G3BP1: variants seen among roughly 807,000 people sequenced by gnomAD.
G3BP1 encodes the protein ras GTPase-activating protein-binding protein 1.
In G3BP1, 35 loss-of-function variants were observed where a neutral mutation model predicts 58.6. The observed-to-expected ratio is 0.60, with a 90% CI of 0.46 to 0.79. The LOEUF (loss-of-function observed/expected upper bound fraction) is 0.79, where lower values mean the gene tolerates loss of function less well. Ranked by LOEUF, G3BP1 falls within the 30% of genes least tolerant of loss-of-function variation. The probability of loss-of-function intolerance (pLI) is 0.00; values close to 1 mark genes in which losing one functional copy is unlikely to be tolerated. For synonymous variants in G3BP1, 191 were observed against 195.4 expected (o/e 0.98, Z 0.19); for missense variants, 523 against 580.8 (o/e 0.90, Z 1.02).
Position 151,801,825 on chromosome 5 carries a change from T to A in G3BP1, c.1194+956T>A, listed in dbSNP as rs186127414. Among the ~76,000 whole-genome samples the A allele has an allele frequency of 6.7e-3, 1,016 of 152,104 alleles. 8 individuals are homozygous for A. The highest frequency in any genetic ancestry group is 6.8e-3 in the Middle Eastern group (2 of 294). ...CAAAGTTTTTTATTTTTTTATTTTT[T>A]TTTTTTTGAGACAGTGTCTCTCTCT... On this transcript the variant is annotated intron_variant, in intron 11 of 11. Transcript: ENST00000356245.
intron 1 of G3BP1, among the ~76,000 whole-genome samples, chr5:151,775,703 A>C (rs1278411530): frequency 6.6e-6 from 1 of 152,272 alleles, no homozygotes; most frequent in Non-Finnish European, 1.5e-5. Context: ...GCGGATGAGC[A>C]TTAGTATTAA....
intron 1 of G3BP1, among the ~76,000 whole-genome samples, chr5:151,783,708 A>G (rs765954806): frequency 7.9e-5 from 12 of 151,968 alleles, no homozygotes; most frequent in Non-Finnish European, 7.4e-5. Flanking sequence ...GAGAATAACA[A>G]AATTACTCGC....
At chr5:151,779,665 T>G (rs147461650) in intron 1 of G3BP1, among the ~76,000 whole-genome samples, 188 of 152,352 alleles carry the variant, frequency 1.2e-3, no homozygotes, top group African/African-American at 4.4e-3. Flanking sequence ...TGTGCTCGCT[T>G]TCTGGCAGGC....
intron 6 of G3BP1, 25 bp downstream of exon 6, chr5:151,795,600 C>T (rs772056682): frequency 2.6e-5 from 30 of 1,173,916 alleles, no homozygotes; most frequent in Middle Eastern, 1.9e-4. Context: ...TTCACATGTC[C>T]GGGGCTGCAT....
intron 1 of G3BP1, among the ~76,000 whole-genome samples, chr5:151,786,134 C>G (rs1247830495): frequency 6.6e-6 from 1 of 152,182 alleles, no homozygotes; most frequent in African/African-American, 2.4e-5. Flanking sequence ...CTAAAAAATA[C>G]AAAAATTAGC....
Position 151,795,559 on chromosome 5 carries a change from G to C in G3BP1, c.523G>C (p.Asp175His). The change falls in exon 6 of 12, where the codon GAT becomes CAT. Residue 175 changes from aspartate to histidine, a missense_variant. Transcript: ENST00000356245. ...VVPDDSGTFY[D>H]QAVVSNDMEE... ...ACCTGATGATTCTGGAACTTTCTAT[G>C]ATCAGGCAGTTGTCAGGTAAGAAGA... 6.3e-7 allele frequency: 1 copy of C among 1,591,808 alleles called. No individual in the cohort carries two copies. The highest frequency in any genetic ancestry group is 8.6e-7 in the Non-Finnish European group (1 of 1,160,350).
At position 151,808,848 on chromosome 5, in the gene G3BP1, C is replaced by G. The variant is rs1233047733; in HGVS notation, c.*4757C>G. The G allele has an allele frequency of 6.6e-6, 1 of 152,050 alleles. No individual in the cohort carries two copies. The highest frequency in any genetic ancestry group is 1.5e-5 in the Non-Finnish European group (1 of 68,010). 9.4% of individuals were successfully genotyped at this position (152,050 alleles called of 1,614,324 possible). A position where few individuals can be genotyped will look rare whatever the true frequency, so the allele number is the denominator to read the frequency against. On this transcript the variant is annotated 3_prime_UTR_variant, in exon 12 of 12. Coordinates refer to ENST00000356245, the MANE Select transcript of G3BP1 (RefSeq NM_005754.3). ...GATGGAAGATTAAATCCTGTTTAACCTGGATAGAAACAGTTTTAACTATTG... is the reference window on the plus strand; with the variant it reads ...GATGGAAGATTAAATCCTGTTTAACGTGGATAGAAACAGTTTTAACTATTG...
At chr5:151,788,659 C>T (rs1257194642) in intron 2 of G3BP1, among the ~76,000 whole-genome samples, 1 of 150,864 alleles carries the variant, frequency 6.6e-6, no homozygotes, top group Non-Finnish European at 1.5e-5. Flanking sequence ...CGCTCTGTCA[C>T]CGAGCCTGGA....
intron 1 of G3BP1, among the ~76,000 whole-genome samples, chr5:151,774,821 C>T (rs1465027022): frequency 6.6e-6 from 1 of 151,998 alleles, no homozygotes; most frequent in African/African-American, 2.4e-5. Context: ...CCAGTACAAG[C>T]CCTGGAGTTG....
rs1480741586 is a variant in G3BP1 at position 151,808,212 on chromosome 5, G to T, written c.*4121G>T. 3 of 152,174 alleles carry T rather than the reference G, an allele frequency of 2.0e-5. No homozygotes were observed. The highest frequency in any genetic ancestry group is 4.4e-5 in the Non-Finnish European group (3 of 68,030). 9.4% of individuals were successfully genotyped at this position (152,174 alleles called of 1,614,324 possible). On this transcript the variant is annotated 3_prime_UTR_variant, in exon 12 of 12. Coordinates refer to ENST00000356245, the MANE Select transcript of G3BP1 (RefSeq NM_005754.3). The stretch of plus-strand genomic sequence containing the variant: ...TGTTGAGATTCTGGGGACCATAGGT[G>T]GGCCTGTCAACTCTTAACAGACTAT...
At chr5:151,794,727 T>C (rs1372327165) in intron 5 of G3BP1, among the ~76,000 whole-genome samples, 1 of 152,252 alleles carries the variant, frequency 6.6e-6, no homozygotes, top group African/African-American at 2.4e-5. Flanking sequence ...AGGGTAGGCA[T>C]GGAAGATGTG....
Position 151,805,398 on chromosome 5 carries a change from G to T in G3BP1, c.*1307G>T, listed in dbSNP as rs142576896. The T allele has an allele frequency of 6.5e-6, 1 of 152,684 alleles. No homozygotes were observed. Among genetic ancestry groups the T allele is most frequent in the African/African-American group, 2.4e-5 (1 of 41,528 alleles). The allele number at this position is 152,684 out of a possible 1,614,324, so 9.5% of individuals were successfully genotyped here. On this transcript the variant is annotated 3_prime_UTR_variant, in exon 12 of 12. Transcript: ENST00000356245. ...TACTCGTTTCACATATGTGTTATTT[G>T]TTGAGTGCTGTGTGTGAGATGGGTG...
chr5:151,803,849 C>T (rs775843356), intron 11 of G3BP1, 36 bp from the exon 12 acceptor site: 2 of 1,372,484 alleles, frequency 1.5e-6, no homozygotes, highest in Non-Finnish European at 2.1e-6. Flanking sequence ...GCCAGCTCAT[C>T]AGTACTCTTA....
At chr5:151,787,435 A>G (rs1349360030) in intron 2 of G3BP1, 1 of 152,266 alleles carries the variant, frequency 6.6e-6, no homozygotes, top group Non-Finnish European at 1.5e-5. Context: ...ATAAATTATG[A>G]AAGTAGTAAA....
Position 151,800,377 on chromosome 5 carries a change from A to G in G3BP1, c.1084+31A>G, listed in dbSNP as rs184148769. On this transcript the variant is annotated intron_variant, in intron 10 of 11. Coordinates refer to ENST00000356245, the MANE Select transcript of G3BP1 (RefSeq NM_005754.3). ...TTATTGAGTTTTGAACACTAAATTC[A>G]TCTAGTGTCTCTCTAGCACTGTCCA... The G allele has an allele frequency of 1.2e-4, 183 of 1,569,090 alleles. No individual in the cohort carries two copies. In the East Asian group the frequency reaches 2.6e-3, roughly 23 times the overall value.
intron 1 of G3BP1, among the ~76,000 whole-genome samples, chr5:151,774,276 A>G (rs149318621): frequency 1.3e-3 from 200 of 152,118 alleles, no homozygotes; most frequent in Middle Eastern, 0.01. Flanking sequence ...CACCAGGGGA[A>G]CATTAGGAGA....
chr5:151,792,680 T>C (rs1427827888), intron 4 of G3BP1, among the ~76,000 whole-genome samples: 3 of 152,206 alleles, frequency 2.0e-5, no homozygotes, highest in Non-Finnish European at 4.4e-5. Context: ...CATGACTTAC[T>C]GCAGCCTTGA....
chr5:151,809,175 C>A lies in G3BP1; in HGVS notation c.*5084C>A, dbSNP rs1762978360. 1 of 152,086 alleles carries A rather than the reference C, an allele frequency of 6.6e-6. No individual in the cohort carries two copies. The highest frequency in any genetic ancestry group is 2.4e-5 in the African/African-American group (1 of 41,412). The allele number at this position is 152,086 out of a possible 1,614,324, so 9.4% of individuals were successfully genotyped here. A position where few individuals can be genotyped will look rare whatever the true frequency, so the allele number is the denominator to read the frequency against. The stretch of plus-strand genomic sequence containing the variant: ...TGGGTGACAGAGTGAGACCCTGTCT[C>A]TAAAAAACAAAAAATTAGAAAACAA... On this transcript the variant is annotated 3_prime_UTR_variant, in exon 12 of 12. Coordinates refer to ENST00000356245, the MANE Select transcript of G3BP1 (RefSeq NM_005754.3).
At chr5:151,783,681 A>T (rs956804341) in intron 1 of G3BP1, among the ~76,000 whole-genome samples, 5 of 147,126 alleles carry the variant, frequency 3.4e-5, no homozygotes, top group African/African-American at 5.0e-5. Flanking sequence ...GCCAGCCCCA[A>T]TTTTTTTTTT....
Sources: gnomAD v4.1 joint callset for allele counts (sites outside exome capture counted in the v4.1 genomes callset) on GRCh38, gnomAD v4.1.1 for gene constraint, MANE v1.5 for transcripts, NCBI Gene and HGNC (gene_info 2026-07-23, HGNC 2026-07-21) for gene names.